The following PCDHA1 variants were observed in gnomAD, a reference collection of about 807,000 sequenced individuals.
The protein encoded by PCDHA1 is protocadherin alpha 1.
A neutral mutation model predicts 61.3 loss-of-function variants in PCDHA1; 42 were observed. The observed-to-expected ratio is 0.69, with a 90% confidence interval of 0.54 to 0.89. The LOEUF (loss-of-function observed/expected upper bound fraction) is 0.89. Among genes scored for constraint, PCDHA1 ranks in the 40% least tolerant of loss-of-function variants. The pLI is 0.00. For missense variants in PCDHA1, 1,256 were observed against 1,235.3 expected, an observed-to-expected ratio of 1.02 and a Z score of -0.25; for synonymous variants, 610 against 553.8, an observed-to-expected ratio of 1.10 and a Z score of -1.43.
chr5:140,976,952 C>T lies in PCDHA1; in HGVS notation c.2395-1997C>T, dbSNP rs183824. 1.8e-3 allele frequency among the ~76,000 whole-genome samples: 271 copies of T among 152,298 alleles called. 1 individual carries two copies. Among genetic ancestry groups the T allele is most frequent in the African/African-American group, 6.2e-3 (258 of 41,574 alleles). The stretch of plus-strand genomic sequence containing the variant: ...GTAGCTACTTAAAACATATTATATG[C>T]TTTCTTCCTTTCCTTTTCCCTGCCT... On this transcript the variant is annotated intron_variant, in intron 1 of 3. Coordinates refer to ENST00000504120, the MANE Select transcript of PCDHA1 (RefSeq NM_018900.4).
intron 1 of PCDHA1, chr5:140,967,313 C>T: frequency 6.2e-7 from 1 of 1,611,052 alleles, no homozygotes; most frequent in Non-Finnish European, 8.5e-7. Flanking sequence ...CAACTCAGTA[C>T]AGACCTACGA....
At chr5:140,929,395 C>G (rs1317256449) in intron 1 of PCDHA1, 8 of 1,510,412 alleles carry the variant, frequency 5.3e-6, no homozygotes, top group Non-Finnish European at 5.3e-6. Flanking sequence ...TGAAATATTT[C>G]TTAGACAAGC....
At chr5:140,849,988 G>C in intron 1 of PCDHA1, 2 of 1,597,364 alleles carry the variant, frequency 1.3e-6, no homozygotes, top group South Asian at 1.1e-5. Context: ...GTGGAGCGGC[G>C]GTTGGGCGAG....
chr5:140,942,846 A>C (rs1239885134), intron 1 of PCDHA1, among the ~76,000 whole-genome samples: 1 of 152,312 alleles, frequency 6.6e-6, no homozygotes, highest in East Asian at 1.9e-4. Flanking sequence ...AAATTCCAGT[A>C]AGATGATTAT....
intron 1 of PCDHA1, among the ~76,000 whole-genome samples, chr5:140,948,369 TG>T (rs1209104577): frequency 7.9e-5 from 12 of 151,580 alleles, no homozygotes; most frequent in Non-Finnish European, 3.0e-5. Context: ...ACTTAGGAGG[TG>T]TTCCTTCCTC....
chr5:140,877,767 C>T, intron 1 of PCDHA1: 1 of 1,614,166 alleles, frequency 6.2e-7, no homozygotes, highest in Non-Finnish European at 8.5e-7. Context: ...AGAGCCCGCC[C>T]AAGACGGACC....
chr5:140,844,111 C>T lies in PCDHA1; in HGVS notation c.2394+55427C>T, dbSNP rs2150368836. Among the ~76,000 whole-genome samples, 154 of 149,570 alleles carry T rather than the reference C, an allele frequency of 1.0e-3. 8 individuals are homozygous for T. The highest frequency in any genetic ancestry group is 3.7e-3 in the African/African-American group (153 of 40,936). On this transcript the variant is annotated intron_variant, in intron 1 of 3. Transcript: ENST00000504120. ...TCTTAATCTTACTCCATATGCTGTA[C>T]TTTGAAATGCATGTTTTAAATATGT...
At chr5:140,832,877 A>T (rs1281043082) in intron 1 of PCDHA1, among the ~76,000 whole-genome samples, 1 of 152,210 alleles carries the variant, frequency 6.6e-6, no homozygotes, top group Non-Finnish European at 1.5e-5. Context: ...TACTGGTTAT[A>T]AAATGGAAAG....
At chr5:140,836,409 C>T in intron 1 of PCDHA1, 1 of 1,613,780 alleles carries the variant, frequency 6.2e-7, no homozygotes, top group South Asian at 1.1e-5. Flanking sequence ...CGGCCAGGCA[C>T]CAAAGGCGTC....
chr5:140,935,435 A>G (rs1268078110), intron 1 of PCDHA1, among the ~76,000 whole-genome samples: 1 of 152,256 alleles, frequency 6.6e-6, no homozygotes, highest in Non-Finnish European at 1.5e-5. Context: ...TCAGCACTAC[A>G]GAAATAATAT....
chr5:140,926,756 G>T, intron 1 of PCDHA1: 1 of 1,289,704 alleles, frequency 7.8e-7, no homozygotes, highest in South Asian at 2.2e-5. Context: ...GGCGGTCGCT[G>T]AGTATCCAGC....
chr5:140,828,407 C>G, intron 1 of PCDHA1: 2 of 1,614,262 alleles, frequency 1.2e-6, no homozygotes, highest in Non-Finnish European at 1.7e-6. Flanking sequence ...CAGCATCCAC[C>G]TGGAGGTGAT....
rs1013599044 is a variant in PCDHA1, at chr5:140,900,058, C to T, written c.2395-78891C>T. ...TTCCTGGGCTCAAGTGATCCTTTAACCTCAGCCTCCAAAAGTGCTGCAGTT... is the reference window on the plus strand; with the variant it reads ...TTCCTGGGCTCAAGTGATCCTTTAATCTCAGCCTCCAAAAGTGCTGCAGTT... On this transcript the variant is annotated intron_variant, in intron 1 of 3. Coordinates refer to ENST00000504120, the MANE Select transcript of PCDHA1 (RefSeq NM_018900.4). Among the ~76,000 whole-genome samples the T allele has an allele frequency of 2.0e-5, 3 of 152,160 alleles. 1 individual carries two copies. Among genetic ancestry groups the T allele is most frequent in the Non-Finnish European group, 1.5e-5 (1 of 68,028 alleles).
chr5:140,966,149 G>C (rs1347243484), intron 1 of PCDHA1: 1 of 167,682 alleles, frequency 6.0e-6, no homozygotes, highest in Non-Finnish European at 1.3e-5. Flanking sequence ...TTCCTGAATT[G>C]CGCTTGGAGA....
intron 1 of PCDHA1, chr5:140,865,648 T>C (rs769799199): frequency 2.6e-5 from 4 of 152,194 alleles, no homozygotes; most frequent in Non-Finnish European, 4.4e-5. Flanking sequence ...AAATACATTA[T>C]TTCATTTAAT....
At chr5:140,837,029 A>G (rs1774885010) in intron 1 of PCDHA1, 1 of 233,596 alleles carries the variant, frequency 4.3e-6, no homozygotes, top group Admixed American at 5.1e-5. Context: ...TCTATAGTGT[A>G]TTTACAAAAT....
Position 140,843,706 on chromosome 5 carries a change from T to C in PCDHA1, c.2394+55022T>C, listed in dbSNP as rs147955219. 3.2e-6 allele frequency: 5 copies of C among 1,580,440 alleles called. No homozygotes were observed. In the East Asian group the frequency reaches 1.1e-4, roughly 35 times the overall value. On this transcript the variant is annotated intron_variant, in intron 1 of 3. Transcript: ENST00000504120. ...AAGAGCAAGATTTAAATGTTGATCA[T>C]GGCCTCAAAGTAAGTCCATTTAAAT...
At chr5:140,989,325 G>A (rs1389327103) in intron 3 of PCDHA1, among the ~76,000 whole-genome samples, 5 of 152,164 alleles carry the variant, frequency 3.3e-5, no homozygotes, top group African/African-American at 1.2e-4. Flanking sequence ...CACCAACTTT[G>A]CCACCTGACT....
rs2098416892 is a variant in PCDHA1, at chr5:141,010,305, G to A, written c.*368G>A. ...TGACACTTGCAGGGCAGGCTGAAAA[G>A]TTTTGAGATTGAGCAGCTTGGGAGT... is the stretch of plus-strand genomic sequence containing the variant. On this transcript the variant is annotated 3_prime_UTR_variant, in exon 4 of 4. Coordinates refer to ENST00000504120, the MANE Select transcript of PCDHA1 (RefSeq NM_018900.4). 1 of 1,548,478 alleles carries A rather than the reference G, an allele frequency of 6.5e-7. No individual in the cohort carries two copies. The highest frequency in any genetic ancestry group is 2.4e-5 in the East Asian group (1 of 40,890).
Sources: allele counts gnomAD v4.1 joint callset (sites outside exome capture counted in the v4.1 genomes callset), GRCh38; gene constraint gnomAD v4.1.1; transcripts MANE v1.5; gene names NCBI Gene and HGNC (gene_info 2026-07-23, HGNC 2026-07-21).